The following STRAP variants were observed in gnomAD, a reference collection of about 807,000 sequenced individuals.
STRAP encodes serine-threonine kinase receptor-associated protein.
In STRAP, 16 loss-of-function variants were observed where a neutral mutation model predicts 47.0. The ratio of observed to expected loss-of-function variants is 0.34; its 90% CI spans 0.23 to 0.52. STRAP has a LOEUF of 0.52. Among genes scored for constraint, STRAP ranks in the 20% least tolerant of loss-of-function variants. The pLI, the probability that STRAP is intolerant of heterozygous loss-of-function variation, is 0.96. For missense variants in STRAP, 293 were observed against 420.0 expected, an observed-to-expected ratio of 0.70 and a Z score of 2.64; for synonymous variants, 130 against 142.7, an observed-to-expected ratio of 0.91 and a Z score of 0.63.
chr12:15,884,739 G>A (rs1301656227), intron 2 of STRAP, among the ~76,000 whole-genome samples: 1 of 151,960 alleles, frequency 6.6e-6, no homozygotes. Context: ...TGGAGTACTG[G>A]TCATACTGAT....
intron 1 of STRAP, 121 bp from the exon 2 acceptor site, chr12:15,883,420 G>C (rs770202618): frequency 1.2e-5 from 14 of 1,166,450 alleles, no homozygotes; most frequent in Non-Finnish European, 1.7e-5. Flanking sequence ...GGTGGTGGTA[G>C]TTAAATAGCT....
In STRAP at chr12:15,896,579, A is replaced by AT. The variant is rs369830216; in HGVS notation, c.638+1087dup. Among the ~76,000 whole-genome samples the AT allele has an allele frequency of 9.0e-4, 137 of 151,950 alleles. No individual in the cohort carries two copies. Among genetic ancestry groups the AT allele is most frequent in the African/African-American group, 3.2e-3 (132 of 41,418 alleles). ...AATTACTAGGACCATAATGAATACC[A>AT]TTTTGATTTGTTTAAAAATATTGTT... is the stretch of plus-strand genomic sequence containing the variant. On this transcript the variant is annotated intron_variant, in intron 6 of 9. Transcript: ENST00000419869. The surrounding 1 kb of genome is among the most constrained non-coding windows in gnomAD (Gnocchi z 4.1).
chr12:15,889,081 A>T (rs1294208738), intron 2 of STRAP, among the ~76,000 whole-genome samples: 2 of 151,862 alleles, frequency 1.3e-5, no homozygotes, highest in African/African-American at 2.4e-5. Flanking sequence ...TTTCTTGTTT[A>T]TTTTTCACTG....
In STRAP at chr12:15,900,943, A is replaced by G. The variant is rs1327204581; in HGVS notation, c.926-4A>G. On this transcript the variant is annotated splice_region_variant and splice_polypyrimidine_tract_variant and intron_variant, in intron 8 of 9. Coordinates refer to ENST00000419869, the MANE Select transcript of STRAP (RefSeq NM_007178.4). The stretch of plus-strand genomic sequence containing the variant: ...TATAATCGTCATTGCTTTTCTTTTT[A>G]CAGAAGAAGATAGTGGTGAGCTGGC... 6.3e-7 allele frequency: 1 copy of G among 1,578,800 alleles called. No individual in the cohort carries two copies. The highest frequency in any genetic ancestry group is 8.6e-7 in the Non-Finnish European group (1 of 1,165,002).
chr12:15,888,326 C>G (rs1384329996), intron 2 of STRAP, among the ~76,000 whole-genome samples: 2 of 151,872 alleles, frequency 1.3e-5, no homozygotes, highest in East Asian at 3.9e-4. Context: ...TTGCTAGATT[C>G]AGAGAAACAA....
intron 2 of STRAP, among the ~76,000 whole-genome samples, chr12:15,884,833 A>G (rs976397769): frequency 6.6e-5 from 10 of 152,078 alleles, no homozygotes; most frequent in African/African-American, 2.4e-4. Flanking sequence ...ACACATTTCA[A>G]TTGTTGGCCC....
intron 7 of STRAP, 74 bp from the exon 8 acceptor site, chr12:15,899,829 CA>C: frequency 1.4e-6 from 2 of 1,387,084 alleles, no homozygotes; most frequent in South Asian, 2.5e-5. Context: ...GTAACACAGA[CA>C]GTATTTTTTT....
At chr12:15,891,978 T>C (rs1397319041) in intron 4 of STRAP, among the ~76,000 whole-genome samples, 2 of 152,118 alleles carry the variant, frequency 1.3e-5, no homozygotes, top group African/African-American at 4.8e-5. Context: ...AAGCCATTGA[T>C]AGATACTACC....
chr12:15,903,038 A>C lies in STRAP; in HGVS notation c.*60A>C, dbSNP rs546127425. ...CTAAAACAAGCAAGCAGAGAAAAGC[A>C]TCAGCCTTCCAGAGTTACTGTCTGC... On this transcript the variant is annotated 3_prime_UTR_variant, in exon 10 of 10. Coordinates refer to ENST00000419869, the MANE Select transcript of STRAP (RefSeq NM_007178.4). 29 of 1,449,092 alleles carry C rather than the reference A, an allele frequency of 2.0e-5. No individual in the cohort carries two copies. In the South Asian group the frequency reaches 3.1e-4, roughly 15 times the overall value. 89.8% of individuals were successfully genotyped at this position (1,449,092 alleles called of 1,614,324 possible). A position where few individuals can be genotyped will look rare whatever the true frequency, so the allele number is the denominator to read the frequency against.
intron 4 of STRAP, among the ~76,000 whole-genome samples, chr12:15,893,179 C>CA (rs1555145547): frequency 6.6e-6 from 1 of 150,850 alleles, no homozygotes; most frequent in Non-Finnish European, 1.5e-5. Flanking sequence ...AGCTCCCTTC[C>CA]TTTTTTTTTA....
chr12:15,888,132 AATT>A, intron 2 of STRAP, among the ~76,000 whole-genome samples: 1 of 152,200 alleles, frequency 6.6e-6, no homozygotes, highest in Non-Finnish European at 1.5e-5. Context: ...AGGAATGGTT[AATT>A]ATTGGAGTTG....
chr12:15,882,392 T>C lies in STRAP; in HGVS notation c.-316T>C. ...CGGGTGCTCTGCGTCATTTACGTCG[T>C]CACTTCCTGCCGATGCCGGTGTGGA... On this transcript the variant is annotated 5_prime_UTR_variant, in exon 1 of 10. Coordinates refer to ENST00000419869, the MANE Select transcript of STRAP (RefSeq NM_007178.4). 2.4e-6 allele frequency: 1 copy of C among 419,672 alleles called. No individual in the cohort carries two copies. The highest frequency in any genetic ancestry group is 4.5e-5 in the East Asian group (1 of 22,420). The allele number at this position is 419,672 out of a possible 1,614,324, so 26.0% of individuals were successfully genotyped here.
chr12:15,889,876 T>C, intron 2 of STRAP, 52 bp from the exon 3 acceptor site: 1 of 1,413,534 alleles, frequency 7.1e-7, no homozygotes, highest in East Asian at 2.4e-5. Flanking sequence ...ATTTATCCTT[T>C]TAATATATTG....
intron 4 of STRAP, among the ~76,000 whole-genome samples, chr12:15,893,160 A>G (rs1299658618): frequency 1.3e-5 from 2 of 152,234 alleles, no homozygotes; most frequent in East Asian, 3.9e-4. Flanking sequence ...ATAATCTCCT[A>G]CAGATTTAAG....
In STRAP at chr12:15,896,827, AT is replaced by A. The variant is rs1948063864; in HGVS notation, c.639-1052del. Among the ~76,000 whole-genome samples, 1 of 152,214 alleles carries A rather than the reference AT, an allele frequency of 6.6e-6. No homozygotes were observed. Among genetic ancestry groups the A allele is most frequent in the Non-Finnish European group, 1.5e-5 (1 of 68,042 alleles). On this transcript the variant is annotated intron_variant, in intron 6 of 9. Transcript: ENST00000419869. The surrounding 1 kb of genome is among the most constrained non-coding windows in gnomAD (Gnocchi z 4.1). Reference sequence around the variant, plus strand: ...CTTAGTTATACATGACACTTAATTGATTTCCATAAGGATTATACCACATTAC... The same window carrying A: ...CTTAGTTATACATGACACTTAATTGATTCCATAAGGATTATACCACATTAC...
At chr12:15,889,102 A>C (rs1947994573) in intron 2 of STRAP, among the ~76,000 whole-genome samples, 1 of 151,508 alleles carries the variant, frequency 6.6e-6, no homozygotes, top group African/African-American at 2.4e-5. Context: ...ACCTGTTCTG[A>C]TCTAAAATCA....
intron 7 of STRAP, among the ~76,000 whole-genome samples, chr12:15,898,851 C>T (rs865976866): frequency 2.0e-5 from 3 of 152,324 alleles, no homozygotes; most frequent in African/African-American, 4.8e-5. Context: ...TGCTAGATTA[C>T]ACCCAAAGAA....
At chr12:15,883,108 C>T in intron 1 of STRAP, 1 of 1,535,676 alleles carries the variant, frequency 6.5e-7, no homozygotes, top group African/African-American at 1.4e-5. Flanking sequence ...TGCCTAGACT[C>T]TCGGGACAAC....
chr12:15,891,225 A>G (rs1471359795), intron 4 of STRAP, among the ~76,000 whole-genome samples: 1 of 152,104 alleles, frequency 6.6e-6, no homozygotes, highest in Non-Finnish European at 1.5e-5. Context: ...ATTATGGCAA[A>G]TTTTTATCAT....
Sources: gnomAD v4.1 joint callset for allele counts (sites outside exome capture counted in the v4.1 genomes callset) on GRCh38, gnomAD v4.1.1 for gene constraint, Gnocchi (gnomAD v3.1) non-coding constraint, MANE v1.5 for transcripts, NCBI Gene and HGNC (gene_info 2026-07-23, HGNC 2026-07-21) for gene names.